Variants in DIP2C observed in about 807,000 individuals in gnomAD.
DIP2C encodes the protein DIP2 acetate--CoA ligase C (putative).
In DIP2C, 33 loss-of-function variants were observed where a neutral mutation model predicts 192.4. The observed-to-expected ratio is 0.17, with a 90% CI of 0.13 to 0.23. The LOEUF (loss-of-function observed/expected upper bound fraction) is 0.23, where lower values mean the gene tolerates loss of function less well. Among genes scored for constraint, DIP2C ranks in the 10% least tolerant of loss-of-function variants. DIP2C has a pLI of 1.00. For missense variants in DIP2C, 1,537 were observed against 2,110.1 expected (o/e 0.73, Z 5.32); for synonymous variants, 979 against 864.1 (o/e 1.13, Z -2.33).
chr10:475,235 C>T (rs1970967418), intron 2 of DIP2C, among the ~76,000 whole-genome samples: 1 of 152,192 alleles, frequency 6.6e-6, no homozygotes, highest in Non-Finnish European at 1.5e-5. Context: ...TGTACAGCAC[C>T]CATGGCTGTC....
intron 29 of DIP2C, among the ~76,000 whole-genome samples, chr10:339,334 C>G (rs573404052): frequency 1.3e-5 from 2 of 152,096 alleles, no homozygotes; most frequent in Admixed American, 6.5e-5. Context: ...TTGACTGTTG[C>G]AAGGGCAATC....
rs35031456 is a variant in DIP2C at position 334,304 on chromosome 10, C to CA, written c.3585-4704dup. 2.6e-3 allele frequency among the ~76,000 whole-genome samples: 216 copies of CA among 82,402 alleles called. 12 individuals carry two copies. The highest frequency in any genetic ancestry group is 0.02 in the East Asian group (54 of 2,764). The allele number at this position is 82,402 out of a possible 152,430, so 54.1% of individuals were successfully genotyped here. On this transcript the variant is annotated intron_variant, in intron 29 of 36. Transcript: ENST00000280886. The stretch of plus-strand genomic sequence containing the variant: ...CCCGGGTGACAGAGCAAGACTGTCT[C>CA]AAAAAAAAAAAAAAAAAAAAAGAAA...
At chr10:589,867 C>CA (rs1851299825) in intron 1 of DIP2C, among the ~76,000 whole-genome samples, 1 of 152,156 alleles carries the variant, frequency 6.6e-6, no homozygotes, top group Non-Finnish European at 1.5e-5. Context: ...CCAAGGGCCA[C>CA]AACATGAGAC....
intron 1 of DIP2C, among the ~76,000 whole-genome samples, chr10:560,255 G>A (rs1028588649): frequency 2.6e-5 from 4 of 152,336 alleles, no homozygotes; most frequent in African/African-American, 9.6e-5. Flanking sequence ...GATCAAGGTG[G>A]ACAGGATGGA....
intron 1 of DIP2C, among the ~76,000 whole-genome samples, chr10:658,095 G>A (rs1173877175): frequency 1.3e-5 from 2 of 151,986 alleles, no homozygotes; most frequent in Non-Finnish European, 2.9e-5. Context: ...ACCTGATGCT[G>A]GACCTGTCCC....
intron 1 of DIP2C, among the ~76,000 whole-genome samples, chr10:524,263 A>G (rs1846915856): frequency 1.3e-5 from 2 of 152,188 alleles, no homozygotes; most frequent in Admixed American, 6.5e-5. Context: ...CCCTGCTTCC[A>G]AACCCTGGTA....
intron 31 of DIP2C, chr10:311,640 A>G: frequency 8.7e-7 from 1 of 1,145,708 alleles, no homozygotes; most frequent in African/African-American, 1.6e-5. Flanking sequence ...CACACAACAC[A>G]CACAGACACA....
At chr10:457,165 T>G (rs889810661) in intron 3 of DIP2C, among the ~76,000 whole-genome samples, 1 of 152,214 alleles carries the variant, frequency 6.6e-6, no homozygotes, top group African/African-American at 2.4e-5. Flanking sequence ...ACAAGCGTGA[T>G]GACTTCCAAG....
chr10:637,614 C>T (rs553646247), intron 1 of DIP2C, among the ~76,000 whole-genome samples: 1 of 152,228 alleles, frequency 6.6e-6, no homozygotes, highest in Non-Finnish European at 1.5e-5. Context: ...AAAGCTCCCC[C>T]TCCTAGCACC....
At chr10:360,676 G>A (rs1959366516) in intron 22 of DIP2C, among the ~76,000 whole-genome samples, 8 of 152,142 alleles carry the variant, frequency 5.3e-5, no homozygotes, top group Admixed American at 5.2e-4. Flanking sequence ...CTGTGGAATT[G>A]TACCTTGTTT....
intron 1 of DIP2C, chr10:664,405 A>G (rs1366270503): frequency 6.6e-6 from 1 of 152,250 alleles, no homozygotes; most frequent in African/African-American, 2.4e-5. Context: ...TTCTGTTATC[A>G]GCAGTCCTGG....
intron 1 of DIP2C, among the ~76,000 whole-genome samples, chr10:609,964 G>A (rs1852961784): frequency 6.6e-6 from 1 of 152,032 alleles, no homozygotes; most frequent in Non-Finnish European, 1.5e-5. Flanking sequence ...GGGCTTTGGG[G>A]ACAGGCTGCT....
At chr10:600,450 CGG>C (rs1851982681) in intron 1 of DIP2C, among the ~76,000 whole-genome samples, 2 of 150,560 alleles carry the variant, frequency 1.3e-5, no homozygotes, top group African/African-American at 2.5e-5. Context: ...GCAGATGCTC[CGG>C]AGCCACCCGA....
intron 4 of DIP2C, among the ~76,000 whole-genome samples, chr10:431,624 G>A (rs772341731): frequency 5.3e-5 from 8 of 152,096 alleles, no homozygotes; most frequent in Non-Finnish European, 8.8e-5. Flanking sequence ...CAGGAAATTC[G>A]TTCAACTTTT....
intron 3 of DIP2C, among the ~76,000 whole-genome samples, chr10:459,373 G>A (rs960912077): frequency 4.5e-4 from 16 of 35,476 alleles, no homozygotes; most frequent in Non-Finnish European, 3.2e-3. Context: ...CTGTCCCAGA[G>A]GACACGGGAC....
chr10:576,817 G>A (rs931143747), intron 1 of DIP2C, among the ~76,000 whole-genome samples: 3 of 152,118 alleles, frequency 2.0e-5, no homozygotes, highest in East Asian at 3.9e-4. Context: ...TGAAGCATAA[G>A]AATCTCTTGA....
intron 1 of DIP2C, among the ~76,000 whole-genome samples, chr10:610,822 T>C (rs1462827730): frequency 1.4e-5 from 2 of 139,328 alleles, no homozygotes; most frequent in Non-Finnish European, 3.1e-5. Context: ...AACGCCCCAG[T>C]GTTGGAGGTG....
At chr10:532,384 C>CAGGT (rs1847422608) in intron 1 of DIP2C, among the ~76,000 whole-genome samples, 1 of 152,214 alleles carries the variant, frequency 6.6e-6, no homozygotes, top group Non-Finnish European at 1.5e-5. Context: ...GTAGCCTTAA[C>CAGGT]AGGTGGTCCC....
chr10:581,334 C>T (rs1850644194), intron 1 of DIP2C, among the ~76,000 whole-genome samples: 2 of 151,994 alleles, frequency 1.3e-5, no homozygotes, highest in African/African-American at 4.8e-5. Flanking sequence ...GATGGTCAAA[C>T]AGTGGCCACT....
Sources: allele counts gnomAD v4.1 joint callset (sites outside exome capture counted in the v4.1 genomes callset), GRCh38; gene constraint gnomAD v4.1.1; transcripts MANE v1.5; gene names NCBI Gene and HGNC (gene_info 2026-07-23, HGNC 2026-07-21).